SDCCAG8: variants seen among roughly 807,000 people sequenced by gnomAD.
SDCCAG8 encodes serologically defined colon cancer antigen 8.
A neutral mutation model predicts 101.8 loss-of-function variants in SDCCAG8; 74 were observed. The observed-to-expected ratio is 0.73, with a 90% confidence interval of 0.60 to 0.88. SDCCAG8 has a LOEUF of 0.88. Ranked by LOEUF, SDCCAG8 falls within the 40% of genes least tolerant of loss-of-function variation. The pLI is 0.00. For synonymous variants in SDCCAG8, 281 were observed against 292.9 expected, an observed-to-expected ratio of 0.96 and a Z score of 0.41; for missense variants, 787 against 822.6, an observed-to-expected ratio of 0.96 and a Z score of 0.53.
chr1:243,417,872 T>C, intron 14 of SDCCAG8, 96 bp from the exon 15 acceptor site: 1 of 852,616 alleles, frequency 1.2e-6, no homozygotes, highest in Admixed American at 1.7e-5. Context: ...TGGAAATGTG[T>C]AGGGGTCTAA....
intron 13 of SDCCAG8, among the ~76,000 whole-genome samples, chr1:243,410,038 G>A (rs1489060949): frequency 6.6e-6 from 1 of 152,160 alleles, no homozygotes; most frequent in Admixed American, 6.5e-5. Flanking sequence ...CTGATACAGA[G>A]AGGAAAGGAG....
At chr1:243,309,300 T>C (rs2072477192) in intron 8 of SDCCAG8, among the ~76,000 whole-genome samples, 2 of 152,196 alleles carry the variant, frequency 1.3e-5, no homozygotes, top group Admixed American at 6.5e-5. Context: ...TTCTCATTTT[T>C]AAAATGGTGA....
chr1:243,270,188 T>A lies in SDCCAG8; in HGVS notation c.151T>A (p.Ser51Thr), dbSNP rs1558210791. ...TATTGGAGAAGATGCACCAAATCTT[T>A]CTTTTAGCACCAGTGTGGGAAATGA... is the stretch of plus-strand genomic sequence containing the variant. ...VTIGEDAPNL[S>T]FSTSVGNEDA... The change falls in exon 2 of 18, where the codon TCT (serine) becomes ACT (threonine). Residue 51 changes from serine to threonine, a missense_variant. Coordinates refer to ENST00000366541, the MANE Select transcript of SDCCAG8 (RefSeq NM_006642.5). The A allele has an allele frequency of 6.2e-7, 1 of 1,614,194 alleles. No homozygotes were observed. The highest frequency in any genetic ancestry group is 8.5e-7 in the Non-Finnish European group (1 of 1,180,032).
At chr1:243,267,591 A>C in intron 1 of SDCCAG8, 1 of 539,188 alleles carries the variant, frequency 1.9e-6, no homozygotes. Flanking sequence ...GACAAGAGCC[A>C]AACTCCCTCT....
intron 8 of SDCCAG8, among the ~76,000 whole-genome samples, chr1:243,316,353 A>G (rs2073230180): frequency 6.6e-6 from 1 of 152,256 alleles, no homozygotes; most frequent in Non-Finnish European, 1.5e-5. Flanking sequence ...AATCTGCTGC[A>G]TGGACAAAGC....
At chr1:243,363,632 T>G (rs950257770) in intron 12 of SDCCAG8, among the ~76,000 whole-genome samples, 3 of 152,262 alleles carry the variant, frequency 2.0e-5, no homozygotes, top group African/African-American at 4.8e-5. Context: ...ACTCTCCATT[T>G]TAAAGTCTTT....
intron 13 of SDCCAG8, among the ~76,000 whole-genome samples, chr1:243,379,828 A>G (rs1299823310): frequency 1.3e-5 from 2 of 152,256 alleles, no homozygotes; most frequent in African/African-American, 4.8e-5. Flanking sequence ...AATTTAAACT[A>G]TGAAAGGGGA....
chr1:243,355,041 G>C (rs923053939), intron 12 of SDCCAG8, among the ~76,000 whole-genome samples: 6 of 152,172 alleles, frequency 3.9e-5, no homozygotes, highest in African/African-American at 1.4e-4. Context: ...CTAACTCTAG[G>C]CTGCTCCTGA....
At chr1:243,421,899 A>G (rs1016401099) in intron 15 of SDCCAG8, among the ~76,000 whole-genome samples, 16 of 152,146 alleles carry the variant, frequency 1.1e-4, no homozygotes, top group African/African-American at 3.4e-4. Flanking sequence ...TTCTTTATCA[A>G]AGTGAAGGAA....
At chr1:243,371,697 TAA>T (rs1165148582) in intron 12 of SDCCAG8, among the ~76,000 whole-genome samples, 1 of 152,146 alleles carries the variant, frequency 6.6e-6, no homozygotes, top group Admixed American at 6.5e-5. Context: ...TTTCTACTTA[TAA>T]TATCCTTTTG....
intron 12 of SDCCAG8, among the ~76,000 whole-genome samples, chr1:243,375,741 G>A (rs1382761596): frequency 6.6e-6 from 1 of 152,122 alleles, no homozygotes; most frequent in African/African-American, 2.4e-5. Flanking sequence ...TCATCCCCAA[G>A]CTACTATATA....
chr1:243,366,036 G>A (rs1323259696), intron 12 of SDCCAG8, among the ~76,000 whole-genome samples: 4 of 151,946 alleles, frequency 2.6e-5, no homozygotes, highest in African/African-American at 9.7e-5. Context: ...TGGTTTTTAA[G>A]TATTTTTAAC....
At chr1:243,327,639 T>C (rs1028566095) in intron 9 of SDCCAG8, among the ~76,000 whole-genome samples, 3 of 152,054 alleles carry the variant, frequency 2.0e-5, no homozygotes, top group Admixed American at 1.3e-4. Flanking sequence ...ATAGGGGTAC[T>C]CAATCGACAG....
intron 4 of SDCCAG8, among the ~76,000 whole-genome samples, chr1:243,282,989 G>A (rs994617851): frequency 2.0e-5 from 3 of 152,062 alleles, no homozygotes; most frequent in Non-Finnish European, 4.4e-5. Context: ...TGGGATTACA[G>A]GTGCCTGCCA....
chr1:243,299,968 A>T (rs1277532907), intron 6 of SDCCAG8, among the ~76,000 whole-genome samples: 5 of 151,224 alleles, frequency 3.3e-5, no homozygotes, highest in African/African-American at 2.4e-5. Context: ...AGGTTCAAGC[A>T]ATTCTCCTAT....
At chr1:243,281,840 C>T (rs2069082934) in intron 4 of SDCCAG8, among the ~76,000 whole-genome samples, 1 of 151,940 alleles carries the variant, frequency 6.6e-6, no homozygotes, top group Non-Finnish European at 1.5e-5. Context: ...GAGATGGGGT[C>T]TCACTATGTT....
chr1:243,316,319 A>G (rs2073226664), intron 8 of SDCCAG8, among the ~76,000 whole-genome samples: 1 of 152,190 alleles, frequency 6.6e-6, no homozygotes, highest in Admixed American at 6.5e-5. Context: ...AAGGACATAT[A>G]TTTGTTCAAG....
At chr1:243,324,377 C>G (rs2073988030) in intron 9 of SDCCAG8, among the ~76,000 whole-genome samples, 1 of 151,708 alleles carries the variant, frequency 6.6e-6, no homozygotes, top group African/African-American at 2.4e-5. Context: ...TCTCTCTCTT[C>G]AGAGTCAAAT....
At chr1:243,256,310 T>G in intron 1 of SDCCAG8, 70 bp downstream of exon 1, 1 of 1,334,060 alleles carries the variant, frequency 7.5e-7, no homozygotes, top group Non-Finnish European at 1.1e-6. Context: ...GCAGACCAGG[T>G]GCGTTTCCTA....
Sources: gnomAD v4.1 joint callset for allele counts (sites outside exome capture counted in the v4.1 genomes callset) on GRCh38, gnomAD v4.1.1 for gene constraint, MANE v1.5 for transcripts, NCBI Gene and HGNC (gene_info 2026-07-23, HGNC 2026-07-21) for gene names.